CYP26C1: variants seen among roughly 807,000 people sequenced by gnomAD.
The protein encoded by CYP26C1 is cytochrome P450 family 26 subfamily C member 1.
A neutral mutation model predicts 39.1 loss-of-function variants in CYP26C1; 41 were observed. The ratio of observed to expected loss-of-function variants is 1.05; its 90% CI spans 0.82 to 1.36. The LOEUF (loss-of-function observed/expected upper bound fraction) is 1.36, where lower values mean the gene tolerates loss of function less well. Among genes scored for constraint, CYP26C1 ranks in the 40% most tolerant of loss-of-function variants. The probability of loss-of-function intolerance (pLI) is 0.00; values close to 1 mark genes in which losing one functional copy is unlikely to be tolerated. For synonymous variants in CYP26C1, 362 were observed against 350.8 expected, an observed-to-expected ratio of 1.03 and a Z score of -0.36; for missense variants, 833 against 752.0, an observed-to-expected ratio of 1.11 and a Z score of -1.26.
intron 4 of CYP26C1, among the ~76,000 whole-genome samples, chr10:93,064,933 A>G (rs1846805354): frequency 6.6e-6 from 1 of 151,886 alleles, no homozygotes. Context: ...TCAGGATCAA[A>G]CTCCACATCC....
chr10:93,069,335 G>C lies in CYP26C1; in HGVS notation c.*638G>C, dbSNP rs1044060582. The C allele has an allele frequency of 6.6e-6, 1 of 152,266 alleles. No individual in the cohort carries two copies. The highest frequency in any genetic ancestry group is 2.1e-4 in the South Asian group (1 of 4,824). The allele number at this position is 152,266 out of a possible 1,614,324, so 9.4% of individuals were successfully genotyped here. A position where few individuals can be genotyped will look rare whatever the true frequency, so the allele number is the denominator to read the frequency against. On this transcript the variant is annotated 3_prime_UTR_variant, in exon 6 of 6. Transcript: ENST00000651965. ...GGCTCGAAAGGGCTCAAGGTCACCG[G>C]ATTCTGCTGGCCACTTCTTAAAAGG...
At position 93,068,404 on chromosome 10, in the gene CYP26C1, G is replaced by A. The variant is rs750220433; in HGVS notation, c.1276G>A (p.Glu426Lys). ...GGCTGCGGTGTACCGCAGCCCTCCC[G>A]AAGGCTTCGATCCAGAGCGCTTCGG... ...ETAAVYRSPP[E>K]GFDPERFGAA... The change falls in exon 6 of 6, where the codon GAA (glutamate) becomes AAA (lysine). Residue 426 changes from glutamate to lysine, a missense_variant. Physicochemically the swap from Glu to Lys is moderately conservative, Grantham distance 56. Coordinates refer to ENST00000651965, the MANE Select transcript of CYP26C1 (RefSeq NM_183374.3). The A allele has an allele frequency of 3.1e-6, 5 of 1,610,220 alleles. No individual in the cohort carries two copies. Among genetic ancestry groups the A allele is most frequent in the South Asian group, 1.1e-5 (1 of 90,752 alleles).
chr10:93,064,320 G>A, intron 3 of CYP26C1, 61 bp from the exon 4 acceptor site: 1 of 1,535,694 alleles, frequency 6.5e-7, no homozygotes, highest in Admixed American at 2.0e-5. Flanking sequence ...TTCTGGGTAA[G>A]TGGCCGGGCT....
intron 4 of CYP26C1, 85 bp downstream of exon 4, chr10:93,064,621 C>T: frequency 6.6e-7 from 1 of 1,523,432 alleles, no homozygotes; most frequent in South Asian, 1.3e-5. Context: ...AGAGCCACAT[C>T]TTGTGTGGCC....
Position 93,062,247 on chromosome 10 carries a change from G to C in CYP26C1, c.429+13G>C. 2.0e-6 allele frequency: 3 copies of C among 1,514,562 alleles called. No homozygotes were observed. Among genetic ancestry groups the C allele is most frequent in the Non-Finnish European group, 2.6e-6 (3 of 1,135,098 alleles). 93.8% of individuals were successfully genotyped at this position (1,514,562 alleles called of 1,614,324 possible). A position where few individuals can be genotyped will look rare whatever the true frequency, so the allele number is the denominator to read the frequency against. ...GCGGCGGCGCAAGGTGAGTGGAAAC[G>C]GGAATGGACCGTAGATACGTCGGAT... On this transcript the variant is annotated intron_variant, in intron 2 of 5. Transcript: ENST00000651965.
rs1031675407 is a variant in CYP26C1 at position 93,068,957 on chromosome 10, G to A, written c.*260G>A. ...GCGCCCAGAGGAAGGAAAATGTCGT[G>A]GGCCAAGCAGGAATGGAGGGAATAG... On this transcript the variant is annotated 3_prime_UTR_variant, in exon 6 of 6. Transcript: ENST00000651965. 2.0e-6 allele frequency: 1 copy of A among 505,066 alleles called. No individual in the cohort carries two copies. The highest frequency in any genetic ancestry group is 2.0e-5 in the African/African-American group (1 of 50,122). 31.3% of individuals were successfully genotyped at this position (505,066 alleles called of 1,614,324 possible).
chr10:93,066,455 C>T lies in CYP26C1; in HGVS notation c.1191+170C>T, dbSNP rs192739679. 2.1e-4 allele frequency among the ~76,000 whole-genome samples: 32 copies of T among 152,334 alleles called. 1 individual carries two copies. In the East Asian group the frequency reaches 4.4e-3, roughly 21 times the overall value. On this transcript the variant is annotated intron_variant, in intron 5 of 5. Transcript: ENST00000651965. The stretch of plus-strand genomic sequence containing the variant: ...TCAGCCTTCCGTCCTATAAAATGGG[C>T]TGAGCCTTGTTCCACCTCCCCGGAT...
At chr10:93,064,834 C>A (rs1846803227) in intron 4 of CYP26C1, 8 of 1,081,638 alleles carry the variant, frequency 7.4e-6, no homozygotes, top group Admixed American at 5.0e-5. Context: ...TCCCCCACTG[C>A]CCTTCTCTGC....
chr10:93,062,069 G>T lies in CYP26C1; in HGVS notation c.264G>T (p.Leu88=), dbSNP rs1846756954. ...ERYGTVFKTH[L]LGRPVIRVSG... ...ATGGGACAGTGTTCAAGACGCACCT[G>T]CTGGGCAGGCCAGTGATCCGCGTGA... Residue 88 remains leucine, a synonymous_variant, in exon 2 of 6, where the codon CTG becomes CTT. Transcript: ENST00000651965. 6.3e-7 allele frequency: 1 copy of T among 1,580,778 alleles called. No individual in the cohort carries two copies. Among genetic ancestry groups the T allele is most frequent in the Non-Finnish European group, 8.6e-7 (1 of 1,164,422 alleles).
rs1438646377 is a variant in CYP26C1, at chr10:93,065,941, G to C, written c.862-15G>C. 6.4e-6 allele frequency: 10 copies of C among 1,571,148 alleles called. No homozygotes were observed. The East Asian group carries it at 1.0e-4, about 16-fold the overall frequency. On this transcript the variant is annotated splice_polypyrimidine_tract_variant and intron_variant, in intron 4 of 5. Coordinates refer to ENST00000651965, the MANE Select transcript of CYP26C1 (RefSeq NM_183374.3). ...CACCGCCCGAGACTCAGTGCAGCCC[G>C]GGGCTGTCTTGCAGGAGTCGGCTGT...
At position 93,068,753 on chromosome 10, in the gene CYP26C1, C is replaced by G. The variant is rs1846861583; in HGVS notation, c.*56C>G. ...GGTGGCTATGGCGCGCACGCAGCGCCACCCATCTGCCGCTCCCCATTGTAG... is the reference window on the plus strand; with the variant it reads ...GGTGGCTATGGCGCGCACGCAGCGCGACCCATCTGCCGCTCCCCATTGTAG... On this transcript the variant is annotated 3_prime_UTR_variant, in exon 6 of 6. Coordinates refer to ENST00000651965, the MANE Select transcript of CYP26C1 (RefSeq NM_183374.3). The G allele has an allele frequency of 2.1e-6, 3 of 1,459,136 alleles. No individual in the cohort carries two copies. The highest frequency in any genetic ancestry group is 2.7e-6 in the Non-Finnish European group (3 of 1,107,312). The allele number at this position is 1,459,136 out of a possible 1,614,324, so 90.4% of individuals were successfully genotyped here. A position where few individuals can be genotyped will look rare whatever the true frequency, so the allele number is the denominator to read the frequency against.
intron 5 of CYP26C1, 66 bp from the exon 6 acceptor site, chr10:93,068,254 G>T: frequency 1.4e-6 from 2 of 1,452,776 alleles, no homozygotes; most frequent in African/African-American, 2.9e-5. Context: ...AGGGTGGAGG[G>T]TCAGTTCAGG....
At chr10:93,063,710 C>T (rs940329310) in intron 3 of CYP26C1, 33 of 982,676 alleles carry the variant, frequency 3.4e-5, no homozygotes, top group Non-Finnish European at 4.0e-5. Flanking sequence ...ATCCTCGCAG[C>T]CTGCAAAGTG....
intron 2 of CYP26C1, 92 bp downstream of exon 2, chr10:93,062,326 A>G: frequency 1.5e-6 from 2 of 1,316,378 alleles, no homozygotes; most frequent in Non-Finnish European, 1.0e-6. Flanking sequence ...TGTTGGATAC[A>G]CTGTGAACCC....
chr10:93,062,125 T>A lies in CYP26C1; in HGVS notation c.320T>A (p.Leu107Gln). ...SGAENVRTIL[L>Q]GEHRLVRSQW... ...GCGGAGAACGTGCGCACCATCCTGC[T>A]GGGCGAGCACCGCCTGGTGCGCAGC... The change falls in exon 2 of 6, where the codon CTG becomes CAG. Residue 107 changes from leucine (L) to glutamine (Q), a missense_variant. By Grantham distance (113) the Leu-to-Gln change is moderately radical. Coordinates refer to ENST00000651965, the MANE Select transcript of CYP26C1 (RefSeq NM_183374.3). 4.5e-6 allele frequency: 7 copies of A among 1,551,440 alleles called. No homozygotes were observed. The highest frequency in any genetic ancestry group is 5.2e-6 in the Non-Finnish European group (6 of 1,149,612).
chr10:93,068,575 G>C lies in CYP26C1; in HGVS notation c.1447G>C (p.Glu483Gln). ...AVELVRTARW[E>Q]LATPAFPAMQ... is the part of the protein sequence containing the mutation. ...GGAGCTAGTGCGCACCGCGCGCTGGGAACTGGCCACACCCGCCTTCCCCGC... is the reference window on the plus strand; with the variant it reads ...GGAGCTAGTGCGCACCGCGCGCTGGCAACTGGCCACACCCGCCTTCCCCGC... Residue 483 changes from glutamate to glutamine, a missense_variant, in exon 6 of 6, where the codon GAA (glutamate) becomes CAA (glutamine). Physicochemically the swap from Glu to Gln is conservative, Grantham distance 29. Coordinates refer to ENST00000651965, the MANE Select transcript of CYP26C1 (RefSeq NM_183374.3). 6.3e-7 allele frequency: 1 copy of C among 1,594,790 alleles called. No individual in the cohort carries two copies. The highest frequency in any genetic ancestry group is 1.8e-5 in the Admixed American group (1 of 56,732).
At position 93,066,273 on chromosome 10, in the gene CYP26C1, C is replaced by A; in HGVS notation, c.1179C>A (p.Thr393=). 1 of 1,415,160 alleles carries A rather than the reference C, an allele frequency of 7.1e-7. No individual in the cohort carries two copies. The highest frequency in any genetic ancestry group is 9.2e-7 in the Non-Finnish European group (1 of 1,084,928). The allele number at this position is 1,415,160 out of a possible 1,614,324, so 87.7% of individuals were successfully genotyped here. The change falls in exon 5 of 6, where the codon ACC becomes ACA. Residue 393 remains threonine, a synonymous_variant. Coordinates refer to ENST00000651965, the MANE Select transcript of CYP26C1 (RefSeq NM_183374.3). ...GGGGCTACCGCACCGCCCTGCGCACCTTCGAGCTCGACGTAAGTGCGCCGT... is the reference window on the plus strand; with the variant it reads ...GGGGCTACCGCACCGCCCTGCGCACATTCGAGCTCGACGTAAGTGCGCCGT... ...VSGGYRTALR[T]FELDGYQIPK... is the part of the protein sequence containing the mutation.
chr10:93,068,828 C>A lies in CYP26C1; in HGVS notation c.*131C>A, dbSNP rs1385778787. 1 of 1,363,836 alleles carries A rather than the reference C, an allele frequency of 7.3e-7. No individual in the cohort carries two copies. Among genetic ancestry groups the A allele is most frequent in the South Asian group, 1.7e-5 (1 of 58,114 alleles). 84.5% of individuals were successfully genotyped at this position (1,363,836 alleles called of 1,614,324 possible). On this transcript the variant is annotated 3_prime_UTR_variant, in exon 6 of 6. Transcript: ENST00000651965. ...GTTCAACAATCTTTCAACAAATGTT[C>A]GCCAAACGCGGATGTGTGCCGGACT...
chr10:93,061,305 G>T lies in CYP26C1; in HGVS notation c.42G>T (p.Ala14=), dbSNP rs965268377. The change falls in exon 1 of 6, where the codon GCG becomes GCT. Residue 14 remains alanine, a synonymous_variant. Transcript: ENST00000651965. ...TGAGCTGCCTGTCAGTGCTGGGGGC[G>T]GCGGGCACTGCTCTCCTGTGCGCGG... is the stretch of plus-strand genomic sequence containing the variant. ...WGLSCLSVLG[A]AGTALLCAGL... 1 of 1,596,098 alleles carries T rather than the reference G, an allele frequency of 6.3e-7. No individual in the cohort carries two copies. The highest frequency in any genetic ancestry group is 8.5e-7 in the Non-Finnish European group (1 of 1,172,558).
Sources: allele counts gnomAD v4.1 joint callset (sites outside exome capture counted in the v4.1 genomes callset), GRCh38; gene constraint gnomAD v4.1.1; transcripts MANE v1.5; gene names NCBI Gene and HGNC (gene_info 2026-07-23, HGNC 2026-07-21).